The following EYS variants were observed in gnomAD, a reference collection of about 807,000 sequenced individuals.
EYS encodes EGF-like photoreceptor maintenance factor.
In EYS, 250 loss-of-function variants were observed where a neutral mutation model predicts 282.1. The observed-to-expected ratio is 0.89, with a 90% confidence interval of 0.80 to 0.98. The LOEUF (loss-of-function observed/expected upper bound fraction) is 0.98. Ranked by LOEUF, EYS falls within the 50% of genes least tolerant of loss-of-function variation. The pLI is 0.00. For synonymous variants in EYS, 1,355 were observed against 1,282.9 expected (o/e 1.06, Z -1.20); for missense variants, 4,016 against 3,709.0 (o/e 1.08, Z -2.15).
intron 37 of EYS, among the ~76,000 whole-genome samples, chr6:63,796,985 G>C (rs558200795): frequency 6.6e-6 from 1 of 152,302 alleles, no homozygotes; most frequent in African/African-American, 2.4e-5. Context: ...AATGGCGCTT[G>C]ATTACTGGTG....
chr6:65,406,264 G>A (rs1229974533), intron 5 of EYS, among the ~76,000 whole-genome samples: 1 of 151,948 alleles, frequency 6.6e-6, no homozygotes, highest in Non-Finnish European at 1.5e-5. Context: ...TTTAAATTGT[G>A]TTATCAGCTT....
At chr6:64,740,616 A>G (rs1180761307) in intron 22 of EYS, among the ~76,000 whole-genome samples, 1 of 152,038 alleles carries the variant, frequency 6.6e-6, no homozygotes, top group Non-Finnish European at 1.5e-5. Context: ...GTCACTTCCC[A>G]TATGTCTGTG....
chr6:64,106,869 C>CT lies in EYS; in HGVS notation c.6425-24868dup, dbSNP rs199877036. Reference sequence around the variant, plus strand: ...GGGTATTCTGTTCTTTTTTCCCAGTCTTTTTTTTTCTTTGTTTTTCAGTTT... The same window carrying CT: ...GGGTATTCTGTTCTTTTTTCCCAGTCTTTTTTTTTTCTTTGTTTTTCAGTTT... On this transcript the variant is annotated intron_variant, in intron 31 of 42. Transcript: ENST00000503581. Among the ~76,000 whole-genome samples, 589 of 150,676 alleles carry CT rather than the reference C, an allele frequency of 3.9e-3. 3 individuals are homozygous for CT. Among genetic ancestry groups the CT allele is most frequent in the Non-Finnish European group, 7.3e-3 (493 of 67,616 alleles).
intron 13 of EYS, among the ~76,000 whole-genome samples, chr6:65,036,053 A>G (rs1772759477): frequency 6.6e-6 from 1 of 151,620 alleles, no homozygotes; most frequent in Non-Finnish European, 1.5e-5. Flanking sequence ...ATAAAGCCAG[A>G]GGCATCACAG....
chr6:64,495,269 A>C (rs547056478), intron 26 of EYS, among the ~76,000 whole-genome samples: 1 of 151,858 alleles, frequency 6.6e-6, no homozygotes, highest in East Asian at 1.9e-4. Context: ...TGGAGCCAGG[A>C]GTCAGGTCAG....
intron 11 of EYS, chr6:65,329,720 A>G: frequency 1.0e-6 from 1 of 974,512 alleles, no homozygotes; most frequent in Non-Finnish European, 1.2e-6. Flanking sequence ...AGAAATTACA[A>G]TAGTCTTAGA....
chr6:65,017,194 C>T (rs375637146), intron 13 of EYS, among the ~76,000 whole-genome samples: 31 of 152,200 alleles, frequency 2.0e-4, no homozygotes, highest in Middle Eastern at 3.4e-3. Context: ...TCCACATAAC[C>T]TTTAGAAATA....
intron 30 of EYS, among the ~76,000 whole-genome samples, chr6:64,251,032 C>G (rs565579185): frequency 6.6e-6 from 1 of 152,226 alleles, no homozygotes; most frequent in African/African-American, 2.4e-5. Flanking sequence ...CTTTATCTCA[C>G]CTTGTTCATT....
intron 2 of EYS, among the ~76,000 whole-genome samples, chr6:65,526,469 T>C (rs1767567670): frequency 6.6e-6 from 1 of 152,172 alleles, no homozygotes; most frequent in Non-Finnish European, 1.5e-5. Flanking sequence ...CTCTTTAGAT[T>C]TGTAGCTAGC....
At chr6:65,613,504 A>T (rs1363368635) in intron 2 of EYS, among the ~76,000 whole-genome samples, 1 of 151,890 alleles carries the variant, frequency 6.6e-6, no homozygotes, top group Non-Finnish European at 1.5e-5. Context: ...AGTGGAAAAG[A>T]AAGAAAGAAA....
chr6:65,620,247 A>G (rs1025271693), intron 2 of EYS, among the ~76,000 whole-genome samples: 17 of 152,198 alleles, frequency 1.1e-4, no homozygotes, highest in Non-Finnish European at 1.8e-4. Context: ...TTATTGGTCT[A>G]TTCAGAGATT....
At chr6:65,207,114 A>G (rs966216561) in intron 12 of EYS, among the ~76,000 whole-genome samples, 1 of 151,776 alleles carries the variant, frequency 6.6e-6, no homozygotes, top group South Asian at 2.1e-4. Context: ...ATGGTTTTAT[A>G]ACTAGAACCC....
At chr6:63,982,727 G>C (rs1767157446) in intron 35 of EYS, among the ~76,000 whole-genome samples, 1 of 151,772 alleles carries the variant, frequency 6.6e-6, no homozygotes, top group East Asian at 1.9e-4. Flanking sequence ...AGTCAGGGAG[G>C]GAGGATCACA....
At chr6:65,485,932 T>C (rs996918441) in intron 5 of EYS, among the ~76,000 whole-genome samples, 3 of 152,240 alleles carry the variant, frequency 2.0e-5, no homozygotes, top group African/African-American at 7.2e-5. Context: ...AAGTTTATTC[T>C]GTCAAAGGCA....
chr6:63,973,134 G>A (rs1562125798), intron 35 of EYS, among the ~76,000 whole-genome samples: 1 of 152,082 alleles, frequency 6.6e-6, no homozygotes, highest in Non-Finnish European at 1.5e-5. Flanking sequence ...TCGCCACACT[G>A]TCTTCCATAA....
At chr6:64,815,808 C>A (rs144236958) in intron 21 of EYS, among the ~76,000 whole-genome samples, 6 of 151,968 alleles carry the variant, frequency 3.9e-5, no homozygotes, top group African/African-American at 1.4e-4. Context: ...ATTCATTCAA[C>A]GTGTACTGAA....
chr6:63,745,710 A>G (rs1420876848), intron 41 of EYS, among the ~76,000 whole-genome samples: 1 of 152,242 alleles, frequency 6.6e-6, no homozygotes, highest in Non-Finnish European at 1.5e-5. Flanking sequence ...TCAAAGAAAC[A>G]AAGACCAAAA....
intron 5 of EYS, among the ~76,000 whole-genome samples, chr6:65,432,608 G>T (rs1767928012): frequency 6.6e-6 from 1 of 152,104 alleles, no homozygotes; most frequent in African/African-American, 2.4e-5. Context: ...GAGAGTGGGA[G>T]ACCAGGTCCA....
chr6:64,283,980 G>C (rs533808204), intron 30 of EYS, among the ~76,000 whole-genome samples: 2 of 152,234 alleles, frequency 1.3e-5, no homozygotes, highest in East Asian at 3.9e-4. Flanking sequence ...TTCAAGATCA[G>C]ATTTGGATGA....
Sources: gnomAD v4.1 joint callset for allele counts (sites outside exome capture counted in the v4.1 genomes callset) on GRCh38, gnomAD v4.1.1 for gene constraint, MANE v1.5 for transcripts, NCBI Gene and HGNC (gene_info 2026-07-23, HGNC 2026-07-21) for gene names.